The following CYTH1 variants were observed in gnomAD, a reference collection of about 807,000 sequenced individuals.
CYTH1 encodes cytohesin-1.
Under a neutral mutation model 61.8 loss-of-function variants are expected in CYTH1, and 18 were observed. The ratio of observed to expected loss-of-function variants is 0.29; its 90% CI spans 0.20 to 0.43. The LOEUF (loss-of-function observed/expected upper bound fraction) is 0.43, where lower values mean the gene tolerates loss of function less well. Among genes scored for constraint, CYTH1 ranks in the 20% least tolerant of loss-of-function variants. The pLI, the probability that CYTH1 is intolerant of heterozygous loss-of-function variation, is 1.00. For missense variants in CYTH1, 336 were observed against 510.5 expected (o/e 0.66, Z 3.29); for synonymous variants, 174 against 184.3 (o/e 0.94, Z 0.45).
chr17:78,741,509 T>C (rs1443745450), intron 1 of CYTH1, among the ~76,000 whole-genome samples: 2 of 152,110 alleles, frequency 1.3e-5, no homozygotes, highest in African/African-American at 4.8e-5. Flanking sequence ...AGTGGGAGTG[T>C]GCAGAAAGGT....
At chr17:78,676,326 T>C (rs921427218) in intron 13 of CYTH1, 157 bp from the exon 14 acceptor site, 1 of 658,582 alleles carries the variant, frequency 1.5e-6, no homozygotes, top group African/African-American at 1.8e-5. Flanking sequence ...ACCCTTGCTG[T>C]GTCCACACAG....
At position 78,718,218 on chromosome 17, in the gene CYTH1, TACACACACACAC is replaced by T. The variant is rs55803104; in HGVS notation, c.23-8498_23-8487del. Among the ~76,000 whole-genome samples the T allele has an allele frequency of 2.0e-3, 263 of 128,390 alleles. 5 individuals carry two copies. In the East Asian group the frequency reaches 0.025, roughly 12 times the overall value. The allele number at this position is 128,390 out of a possible 152,430, so 84.2% of individuals were successfully genotyped here. A position where few individuals can be genotyped will look rare whatever the true frequency, so the allele number is the denominator to read the frequency against. On this transcript the variant is annotated intron_variant, in intron 1 of 13. Coordinates refer to ENST00000446868, the MANE Select transcript of CYTH1 (RefSeq NM_004762.6). The stretch of plus-strand genomic sequence containing the variant: ...ACCTGGAAGTTTCATAAACACTGAA[TACACACACACAC>T]ACACACACACACACACACACACACA...
At chr17:78,729,410 C>T (rs2093281957) in intron 1 of CYTH1, among the ~76,000 whole-genome samples, 1 of 152,216 alleles carries the variant, frequency 6.6e-6, no homozygotes, top group African/African-American at 2.4e-5. Context: ...CTCACAGTCA[C>T]TATGTGTTTA....
At chr17:78,685,692 T>C (rs2092809385) in intron 11 of CYTH1, among the ~76,000 whole-genome samples, 2 of 152,214 alleles carry the variant, frequency 1.3e-5, no homozygotes, top group African/African-American at 4.8e-5. Context: ...TGTGATTCAT[T>C]CTCTTACGTG....
At chr17:78,745,916 A>C (rs2093357945) in intron 1 of CYTH1, among the ~76,000 whole-genome samples, 1 of 152,072 alleles carries the variant, frequency 6.6e-6, no homozygotes, top group Non-Finnish European at 1.5e-5. Flanking sequence ...AAATTTCATT[A>C]CCTTTTGAAC....
intron 1 of CYTH1, among the ~76,000 whole-genome samples, chr17:78,742,433 A>G (rs1462624354): frequency 2.0e-5 from 3 of 151,244 alleles, no homozygotes; most frequent in Admixed American, 2.0e-4. Context: ...GTGGTGGCAC[A>G]TGTCTGTGGT....
intron 1 of CYTH1, among the ~76,000 whole-genome samples, chr17:78,776,425 G>C (rs920833648): frequency 1.3e-5 from 2 of 151,704 alleles, no homozygotes; most frequent in African/African-American, 4.8e-5. Flanking sequence ...GGGAGGCTGA[G>C]GCGGGCAGAT....
chr17:78,757,253 G>T (rs1403800072), intron 1 of CYTH1, among the ~76,000 whole-genome samples: 1 of 151,894 alleles, frequency 6.6e-6, no homozygotes, highest in Non-Finnish European at 1.5e-5. Context: ...CGGACTCAAG[G>T]TTTGAATTTT....
In CYTH1 at chr17:78,760,406, T is replaced by C. The variant is rs1159924958; in HGVS notation, c.22+21796A>G. On this transcript the variant is annotated intron_variant, in intron 1 of 13. Transcript: ENST00000446868. ...ATATACACACACATACATATATATA[T>C]GTGTATATATATATATATACACATA... 5.5e-5 allele frequency among the ~76,000 whole-genome samples: 3 copies of C among 54,114 alleles called. 1 individual carries two copies. The East Asian group carries it at 2.0e-3, about 36-fold the overall frequency. 35.5% of individuals were successfully genotyped at this position (54,114 alleles called of 152,430 possible).
chr17:78,729,312 T>C (rs1382035424), intron 1 of CYTH1, among the ~76,000 whole-genome samples: 3 of 152,088 alleles, frequency 2.0e-5, no homozygotes, highest in East Asian at 1.9e-4. Context: ...GCATAAAAAT[T>C]AGTAAAGCAA....
intron 1 of CYTH1, among the ~76,000 whole-genome samples, chr17:78,764,130 G>A (rs894605548): frequency 6.6e-6 from 1 of 150,774 alleles, no homozygotes; most frequent in Admixed American, 6.6e-5. Flanking sequence ...ACAAAACATA[G>A]AATAATCATT....
rs569470235 is a variant in CYTH1 at position 78,702,107 on chromosome 17, T to C, written c.356+15A>G. Reference sequence around the variant, plus strand: ...ACAGCCTTCCCTAGCATGCGCATAATCCCCAAGGCCTTACCTCTCCCCTAG... The same window carrying C: ...ACAGCCTTCCCTAGCATGCGCATAACCCCCAAGGCCTTACCTCTCCCCTAG... On this transcript the variant is annotated intron_variant, in intron 5 of 13. Transcript: ENST00000446868. 1.4e-5 allele frequency: 22 copies of C among 1,586,884 alleles called. No individual in the cohort carries two copies. The highest frequency in any genetic ancestry group is 1.8e-5 in the Non-Finnish European group (21 of 1,156,806).
intron 1 of CYTH1, among the ~76,000 whole-genome samples, chr17:78,732,068 G>T (rs768903145): frequency 6.6e-6 from 1 of 152,130 alleles, no homozygotes; most frequent in African/African-American, 2.4e-5. Context: ...GTTTCCTAGG[G>T]CCACTCCTGC....
At chr17:78,679,297 G>T (rs958481267) in intron 13 of CYTH1, among the ~76,000 whole-genome samples, 1 of 152,194 alleles carries the variant, frequency 6.6e-6, no homozygotes, top group Non-Finnish European at 1.5e-5. Context: ...ACAGCTAGGT[G>T]AACTCTCATG....
chr17:78,775,471 C>A (rs943822915), intron 1 of CYTH1, among the ~76,000 whole-genome samples: 1 of 152,176 alleles, frequency 6.6e-6, no homozygotes, highest in Non-Finnish European at 1.5e-5. Flanking sequence ...CTTACCCCAC[C>A]ACTCTTCCTC....
intron 1 of CYTH1, among the ~76,000 whole-genome samples, chr17:78,779,918 A>G (rs2093509932): frequency 6.6e-6 from 1 of 152,234 alleles, no homozygotes; most frequent in African/African-American, 2.4e-5. Context: ...TAGGAAACTA[A>G]CACGCCCTGC....
In CYTH1 at chr17:78,717,528, G is replaced by A. The variant is rs140828968; in HGVS notation, c.23-7796C>T. Among the ~76,000 whole-genome samples the A allele has an allele frequency of 7.0e-4, 106 of 152,160 alleles. No homozygotes were observed. The Middle Eastern group carries it at 0.02, about 29-fold the overall frequency. ...TGTTGCTTTGCAGATTTTAACAGTC[G>A]GCAGAAACCCAGAGCTGAAATGGGT... On this transcript the variant is annotated intron_variant, in intron 1 of 13. Transcript: ENST00000446868. This position sits in a 1 kb window ranked among gnomAD's most constrained non-coding sequence, Gnocchi z 4.4.
intron 1 of CYTH1, among the ~76,000 whole-genome samples, chr17:78,747,962 T>C (rs1884479461): frequency 6.6e-6 from 1 of 152,222 alleles, no homozygotes; most frequent in South Asian, 2.1e-4. Context: ...TCGGGTCCAC[T>C]CTCACACTGT....
chr17:78,698,197 G>A (rs1013880453), intron 9 of CYTH1, 72 bp downstream of exon 9: 24 of 1,233,360 alleles, frequency 1.9e-5, no homozygotes, highest in African/African-American at 1.1e-4. Flanking sequence ...ACGCACGCAC[G>A]CACACACGCA....
Sources: gnomAD v4.1 joint callset for allele counts (sites outside exome capture counted in the v4.1 genomes callset) on GRCh38, gnomAD v4.1.1 for gene constraint, Gnocchi (gnomAD v3.1) non-coding constraint, MANE v1.5 for transcripts, NCBI Gene and HGNC (gene_info 2026-07-23, HGNC 2026-07-21) for gene names.